The following ARHGEF28 variants were observed in gnomAD, a reference collection of about 807,000 sequenced individuals.
The protein encoded by ARHGEF28 is 190 kDa guanine nucleotide exchange factor.
A neutral mutation model predicts 206.6 loss-of-function variants in ARHGEF28; 152 were observed. The observed-to-expected ratio is 0.74, with a 90% confidence interval of 0.64 to 0.84. The LOEUF is 0.84. Ranked by LOEUF, ARHGEF28 falls within the 40% of genes least tolerant of loss-of-function variation. ARHGEF28 has a pLI of 0.00. For synonymous variants in ARHGEF28, 763 were observed against 776.4 expected (o/e 0.98, Z 0.29); for missense variants, 2,028 against 2,073.2 (o/e 0.98, Z 0.42).
chr5:73,758,986 A>C (rs1393755493), intron 4 of ARHGEF28, among the ~76,000 whole-genome samples: 2 of 152,234 alleles, frequency 1.3e-5, no homozygotes, highest in Non-Finnish European at 2.9e-5. Context: ...GAAAATTTTA[A>C]GGTAACCCAA....
intron 1 of ARHGEF28, among the ~76,000 whole-genome samples, chr5:73,655,263 A>G (rs982066538): frequency 3.9e-5 from 6 of 152,200 alleles, no homozygotes; most frequent in Non-Finnish European, 8.8e-5. Context: ...TGGCCTAACT[A>G]TGGTTCACAG....
chr5:73,658,107 C>A (rs1296379196), intron 1 of ARHGEF28, among the ~76,000 whole-genome samples: 1 of 151,526 alleles, frequency 6.6e-6, no homozygotes, highest in African/African-American at 2.4e-5. Context: ...GTTATTCAAT[C>A]CATTATTTGG....
chr5:73,910,685 T>G (rs559220061), intron 34 of ARHGEF28, among the ~76,000 whole-genome samples: 1 of 152,240 alleles, frequency 6.6e-6, no homozygotes, highest in African/African-American at 2.4e-5. Flanking sequence ...TATTCTGTTA[T>G]GCTGAGCTTC....
At chr5:73,834,595 C>T (rs1220330634) in intron 10 of ARHGEF28, among the ~76,000 whole-genome samples, 3 of 149,574 alleles carry the variant, frequency 2.0e-5, no homozygotes, top group Non-Finnish European at 4.4e-5. Context: ...TTTGTGTGTG[C>T]AGGTATATGG....
intron 4 of ARHGEF28, among the ~76,000 whole-genome samples, chr5:73,765,092 A>C (rs1360073880): frequency 6.6e-6 from 1 of 152,206 alleles, no homozygotes; most frequent in Non-Finnish European, 1.5e-5. Flanking sequence ...TTAATTTAAC[A>C]TGCAGATTTG....
At chr5:73,628,563 T>C (rs2112109293) in intron 1 of ARHGEF28, among the ~76,000 whole-genome samples, 1 of 152,344 alleles carries the variant, frequency 6.6e-6, no homozygotes, top group African/African-American at 2.4e-5. Context: ...TTTGTATTTA[T>C]GTTGCTTTTA....
At chr5:73,800,722 G>A (rs548552165) in intron 9 of ARHGEF28, among the ~76,000 whole-genome samples, 1 of 152,264 alleles carries the variant, frequency 6.6e-6, no homozygotes, top group African/African-American at 2.4e-5. Context: ...TAGGATATGA[G>A]GTTCAGATTT....
intron 35 of ARHGEF28, among the ~76,000 whole-genome samples, chr5:73,931,907 C>T (rs1250154103): frequency 6.6e-6 from 1 of 152,156 alleles, no homozygotes; most frequent in Non-Finnish European, 1.5e-5. Flanking sequence ...CAATGCCTGG[C>T]ATTTAGTAAG....
chr5:73,753,227 A>G (rs1286097170), intron 4 of ARHGEF28, 25 bp downstream of exon 4: 2 of 1,514,202 alleles, frequency 1.3e-6, no homozygotes, highest in African/African-American at 1.4e-5. Context: ...GAAAATTCAG[A>G]TATCCCCTCT....
rs998396922 is a variant in ARHGEF28, at chr5:73,869,474, A to G, written c.2426-595A>G. Reference sequence around the variant, plus strand: ...TCTGTAGGTTACCAAAAATAAAACTAAAATAGAGCAGGCCAAAACAAGCAA... The same window carrying G: ...TCTGTAGGTTACCAAAAATAAAACTGAAATAGAGCAGGCCAAAACAAGCAA... On this transcript the variant is annotated intron_variant, in intron 20 of 35. Transcript: ENST00000513042. Among the ~76,000 whole-genome samples the G allele has an allele frequency of 2.6e-5, 4 of 152,212 alleles. No individual in the cohort carries two copies. In the South Asian group the frequency reaches 6.2e-4, roughly 24 times the overall value.
In ARHGEF28 at chr5:73,728,065, T is replaced by A. The variant is rs148169365; in HGVS notation, c.34-21772T>A. On this transcript the variant is annotated intron_variant, in intron 2 of 35. Transcript: ENST00000513042. ...TTAAGTACAGCATTTTCATTGTTAG[T>A]TGGTGAAGTTCGTCTTGTTAGTGTT... 2.0e-3 allele frequency among the ~76,000 whole-genome samples: 300 copies of A among 152,346 alleles called. 2 individuals carry two copies. The highest frequency in any genetic ancestry group is 6.7e-3 in the African/African-American group (280 of 41,574).
At position 73,698,501 on chromosome 5, in the gene ARHGEF28, C is replaced by T. The variant is rs564669950; in HGVS notation, c.33+13617C>T. On this transcript the variant is annotated intron_variant, in intron 2 of 35. Transcript: ENST00000513042. Reference sequence around the variant, plus strand: ...GATTAGAAGGAAATGACTGTATGACCATTTTGCTTAGGGTCTTCCCTAAGC... The same window carrying T: ...GATTAGAAGGAAATGACTGTATGACTATTTTGCTTAGGGTCTTCCCTAAGC... Among the ~76,000 whole-genome samples the T allele has an allele frequency of 8.5e-5, 13 of 152,120 alleles. 1 individual carries two copies. In the South Asian group the frequency reaches 2.7e-3, roughly 32 times the overall value.
intron 28 of ARHGEF28, 79 bp downstream of exon 28, chr5:73,893,367 G>A (rs978010959): frequency 1.7e-6 from 2 of 1,155,854 alleles, no homozygotes; most frequent in Non-Finnish European, 2.4e-6. Flanking sequence ...ATGAACAGGA[G>A]GTTATAACTA....
At chr5:73,893,466 T>A (rs141722863) in intron 28 of ARHGEF28, 178 bp downstream of exon 28, 161 of 441,962 alleles carry the variant, frequency 3.6e-4, no homozygotes, top group African/African-American at 2.8e-3. Flanking sequence ...GACATTCTCT[T>A]CACTTCCACC....
At position 73,848,925 on chromosome 5, in the gene ARHGEF28, A is replaced by G. The variant is rs16870958; in HGVS notation, c.1636-51A>G. ...GTAACATTTGAGGTGGTGAATATAT[A>G]TTTTCAGACCATGTATAAATTTTTA... On this transcript the variant is annotated intron_variant, in intron 12 of 35. Transcript: ENST00000513042. The G allele has an allele frequency of 3.8e-3, 5,072 of 1,317,692 alleles. 166 individuals carry two copies. The African/African-American group carries it at 0.067, about 18-fold the overall frequency. 81.6% of individuals were successfully genotyped at this position (1,317,692 alleles called of 1,614,324 possible).
At chr5:73,914,732 T>C (rs1374261933) in intron 35 of ARHGEF28, among the ~76,000 whole-genome samples, 1 of 152,054 alleles carries the variant, frequency 6.6e-6, no homozygotes, top group African/African-American at 2.4e-5. Context: ...TTTTGAGCTG[T>C]ACTTTTTTTG....
intron 34 of ARHGEF28, among the ~76,000 whole-genome samples, chr5:73,910,892 G>T (rs1288014599): frequency 6.6e-6 from 1 of 152,104 alleles, no homozygotes; most frequent in Non-Finnish European, 1.5e-5. Flanking sequence ...GATCTCTGTT[G>T]CAATCTGTTT....
intron 21 of ARHGEF28, among the ~76,000 whole-genome samples, chr5:73,870,876 A>G (rs771544237): frequency 2.0e-5 from 3 of 152,232 alleles, no homozygotes; most frequent in Non-Finnish European, 2.9e-5. Context: ...GGTTCCAAAG[A>G]TACCCTACTT....
At chr5:73,938,119 ATTC>A (rs1466540555) in intron 35 of ARHGEF28, among the ~76,000 whole-genome samples, 1 of 149,872 alleles carries the variant, frequency 6.7e-6, no homozygotes, top group Non-Finnish European at 1.5e-5. Flanking sequence ...CTGTATTTTT[ATTC>A]TTATTTGAAA....
Sources: gnomAD v4.1 joint callset for allele counts (sites outside exome capture counted in the v4.1 genomes callset) on GRCh38, gnomAD v4.1.1 for gene constraint, MANE v1.5 for transcripts, NCBI Gene and HGNC (gene_info 2026-07-23, HGNC 2026-07-21) for gene names.